Variants in TMPRSS11D observed in about 807,000 individuals in gnomAD.
TMPRSS11D encodes transmembrane protease serine 11D.
Under a neutral mutation model 44.4 loss-of-function variants are expected in TMPRSS11D, and 32 were observed. That is an observed-to-expected ratio of 0.72 (90% CI 0.54 to 0.97). The LOEUF (loss-of-function observed/expected upper bound fraction) is 0.97. Ranked by LOEUF, TMPRSS11D falls within the 50% of genes least tolerant of loss-of-function variation. The pLI is 0.00. For synonymous variants in TMPRSS11D, 179 were observed against 177.9 expected (o/e 1.01, Z -0.05); for missense variants, 446 against 502.6 (o/e 0.89, Z 1.08).
Position 67,842,563 on chromosome 4 carries a change from T to C in TMPRSS11D, c.312A>G (p.Lys104=), listed in dbSNP as rs1718258342. 1.9e-6 allele frequency: 3 copies of C among 1,611,880 alleles called. No homozygotes were observed. The highest frequency in any genetic ancestry group is 2.5e-6 in the Non-Finnish European group (3 of 1,179,390). ...TTTTCTACAGTTCCACTCACCTCAG[T>C]TTGGCAACATGAGCTCTGATGAACT... The part of the protein sequence containing the change: ...RNQFIRAHVA[K]LRQDGSGVRA... The change falls in exon 4 of 10, where the codon AAA becomes AAG. Residue 104 remains lysine (K), a synonymous_variant. Coordinates refer to ENST00000283916, the MANE Select transcript of TMPRSS11D (RefSeq NM_004262.3).
chr4:67,853,503 C>A (rs565161359), intron 3 of TMPRSS11D, among the ~76,000 whole-genome samples: 8 of 152,252 alleles, frequency 5.3e-5, no homozygotes, highest in Admixed American at 2.0e-4. Context: ...AACTAAAGGG[C>A]AGCCCCTAGT....
intron 1 of TMPRSS11D, among the ~76,000 whole-genome samples, chr4:67,880,158 G>T (rs1436798939): frequency 6.6e-6 from 1 of 152,172 alleles, no homozygotes. Context: ...GTGGGGAAAG[G>T]TCAGTTCGTA....
chr4:67,869,364 C>T (rs1445625971), intron 1 of TMPRSS11D, among the ~76,000 whole-genome samples: 1 of 151,828 alleles, frequency 6.6e-6, no homozygotes, highest in East Asian at 1.9e-4. Context: ...TTTCCCATTA[C>T]TATAGCCTTA....
At chr4:67,876,600 T>C (rs1457520611) in intron 1 of TMPRSS11D, among the ~76,000 whole-genome samples, 2 of 152,206 alleles carry the variant, frequency 1.3e-5, no homozygotes, top group East Asian at 3.9e-4. Context: ...CTGACTTTGC[T>C]ATTATGCAGA....
At chr4:67,863,628 G>A (rs1228394563) in intron 1 of TMPRSS11D, among the ~76,000 whole-genome samples, 1 of 152,042 alleles carries the variant, frequency 6.6e-6, no homozygotes, top group Non-Finnish European at 1.5e-5. Flanking sequence ...ATGTGAAAAG[G>A]GAACTAGACT....
intron 3 of TMPRSS11D, 27 bp from the exon 4 acceptor site, chr4:67,842,652 T>C: frequency 6.3e-7 from 1 of 1,578,842 alleles, no homozygotes; most frequent in Non-Finnish European, 8.7e-7. Context: ...AGGGGGAATC[T>C]CTCTGTAAAT....
intron 3 of TMPRSS11D, among the ~76,000 whole-genome samples, chr4:67,845,735 G>T (rs1488136486): frequency 1.3e-5 from 2 of 152,040 alleles, no homozygotes; most frequent in Non-Finnish European, 2.9e-5. Context: ...TCTGATTGAG[G>T]TGACAATATT....
In TMPRSS11D at chr4:67,883,951, A is replaced by G. The variant is rs754821290; in HGVS notation, c.-18T>C. On this transcript the variant is annotated 5_prime_UTR_variant, in exon 1 of 10. Coordinates refer to ENST00000283916, the MANE Select transcript of TMPRSS11D (RefSeq NM_004262.3). Reference sequence around the variant, plus strand: ...CTATACATTTTAATCCTTAATGAAGAGGTTCTTTTTTCTGCCTACTCAACT... The same window carrying G: ...CTATACATTTTAATCCTTAATGAAGGGGTTCTTTTTTCTGCCTACTCAACT... 1.2e-6 allele frequency: 2 copies of G among 1,600,934 alleles called. No homozygotes were observed. The highest frequency in any genetic ancestry group is 1.4e-5 in the African/African-American group (1 of 74,044).
chr4:67,837,200 C>T (rs1184024007), intron 5 of TMPRSS11D, among the ~76,000 whole-genome samples: 1 of 152,094 alleles, frequency 6.6e-6, no homozygotes. Flanking sequence ...GAAGTGCGTT[C>T]GGGAGCATTC....
chr4:67,825,636 G>T, intron 9 of TMPRSS11D, 96 bp downstream of exon 9: 1 of 1,346,236 alleles, frequency 7.4e-7, no homozygotes, highest in Admixed American at 2.4e-5. Context: ...GCTGTGTATT[G>T]TAACTGTTAC....
intron 8 of TMPRSS11D, among the ~76,000 whole-genome samples, 172 bp downstream of exon 8, chr4:67,827,089 G>T (rs1187361495): frequency 6.6e-6 from 1 of 152,020 alleles, no homozygotes; most frequent in Non-Finnish European, 1.5e-5. Flanking sequence ...GCATTGCTTT[G>T]CTTTGCTAAG....
intron 1 of TMPRSS11D, among the ~76,000 whole-genome samples, chr4:67,865,570 T>G (rs1248770591): frequency 6.6e-6 from 1 of 151,484 alleles, no homozygotes; most frequent in Non-Finnish European, 1.5e-5. Context: ...AGAAAATTGA[T>G]AGACCGCTAC....
intron 1 of TMPRSS11D, among the ~76,000 whole-genome samples, chr4:67,878,475 T>G (rs369725823): frequency 7.2e-5 from 11 of 152,156 alleles, no homozygotes; most frequent in African/African-American, 2.4e-4. Context: ...TATAATTAGA[T>G]AGGTATTTGT....
intron 1 of TMPRSS11D, among the ~76,000 whole-genome samples, chr4:67,864,554 A>T (rs1414694329): frequency 1.3e-5 from 2 of 149,874 alleles, no homozygotes; most frequent in Non-Finnish European, 2.9e-5. Context: ...CTTATAAAAC[A>T]ATTACAGAAA....
intron 4 of TMPRSS11D, among the ~76,000 whole-genome samples, chr4:67,838,736 A>C (rs1167829886): frequency 1.3e-5 from 2 of 152,106 alleles, no homozygotes. Context: ...AATTTTAGCT[A>C]TTCTTAGACT....
chr4:67,835,063 A>C lies in TMPRSS11D; in HGVS notation c.514+20T>G, dbSNP rs758315076. 1.2e-6 allele frequency: 2 copies of C among 1,610,168 alleles called. No homozygotes were observed. Among genetic ancestry groups the C allele is most frequent in the South Asian group, 2.2e-5 (2 of 90,968 alleles). On this transcript the variant is annotated intron_variant, in intron 6 of 9. Coordinates refer to ENST00000283916, the MANE Select transcript of TMPRSS11D (RefSeq NM_004262.3). ...TTATGATTTGGCAAATTACAGTTAC[A>C]AAATAATATTAAAACTTACCATTAA... is the stretch of plus-strand genomic sequence containing the variant.
At position 67,821,102 on chromosome 4, in the gene TMPRSS11D, C is replaced by T. The variant is rs570391432; in HGVS notation, c.*1235G>A. ...AGCTTGTAGAAGGAGGAAGCTCTGA[C>T]GCATAGATGATCATGCATAGGCAAA... On this transcript the variant is annotated 3_prime_UTR_variant, in exon 10 of 10. Coordinates refer to ENST00000283916, the MANE Select transcript of TMPRSS11D (RefSeq NM_004262.3). 7 of 152,304 alleles carry T rather than the reference C, an allele frequency of 4.6e-5. No individual in the cohort carries two copies. The highest frequency in any genetic ancestry group is 2.1e-4 in the South Asian group (1 of 4,824). 9.4% of individuals were successfully genotyped at this position (152,304 alleles called of 1,614,324 possible).
chr4:67,829,930 G>C (rs1717904349), intron 7 of TMPRSS11D, among the ~76,000 whole-genome samples: 1 of 151,992 alleles, frequency 6.6e-6, no homozygotes, highest in South Asian at 2.1e-4. Flanking sequence ...TGGCTGGAAA[G>C]TATTCTGGTA....
At position 67,844,759 on chromosome 4, in the gene TMPRSS11D, A is replaced by G. The variant is rs1718319376; in HGVS notation, c.250-2134T>C. 1.3e-5 allele frequency among the ~76,000 whole-genome samples: 2 copies of G among 152,152 alleles called. 1 individual carries two copies. The highest frequency in any genetic ancestry group is 4.1e-4 in the South Asian group (2 of 4,822). ...GCGCCAGTACACTCCAGCCTGGACA[A>G]CAGAGCAAGACTCTGTTTAAAAAAA... On this transcript the variant is annotated intron_variant, in intron 3 of 9. Coordinates refer to ENST00000283916, the MANE Select transcript of TMPRSS11D (RefSeq NM_004262.3).
Sources: allele counts gnomAD v4.1 joint callset (sites outside exome capture counted in the v4.1 genomes callset), GRCh38; gene constraint gnomAD v4.1.1; transcripts MANE v1.5; gene names NCBI Gene and HGNC (gene_info 2026-07-23, HGNC 2026-07-21).